Variants in LGALS4 observed in about 807,000 individuals in gnomAD.
LGALS4 encodes the protein galectin-4.
In LGALS4, 37 loss-of-function variants were observed where a neutral mutation model predicts 39.6. The observed-to-expected ratio is 0.93, with a 90% CI of 0.72 to 1.23. LGALS4 has a LOEUF of 1.23. Ranked by LOEUF, LGALS4 falls within the 50% of genes most tolerant of loss-of-function variation. The pLI, the probability that LGALS4 is intolerant of heterozygous loss-of-function variation, is 0.00. For synonymous variants in LGALS4, 160 were observed against 165.5 expected, an observed-to-expected ratio of 0.97 and a Z score of 0.25; for missense variants, 397 against 433.2, an observed-to-expected ratio of 0.92 and a Z score of 0.74.
intron 2 of LGALS4, among the ~76,000 whole-genome samples, chr19:38,810,898 A>G (rs1296364666): frequency 3.1e-5 from 4 of 128,286 alleles, no homozygotes; most frequent in Non-Finnish European, 6.5e-5. Flanking sequence ...TACATATTTG[A>G]CTTTTTTTTT....
At chr19:38,807,922 A>G (rs1206814528) in intron 3 of LGALS4, among the ~76,000 whole-genome samples, 1 of 152,196 alleles carries the variant, frequency 6.6e-6, no homozygotes, top group East Asian at 1.9e-4. Flanking sequence ...TGAAGGCAGC[A>G]TGCTCCTTAA....
At chr19:38,810,947 G>A (rs1333877491) in intron 2 of LGALS4, among the ~76,000 whole-genome samples, 2 of 148,260 alleles carry the variant, frequency 1.3e-5, no homozygotes, top group African/African-American at 5.0e-5. Context: ...TGTTGCCCAG[G>A]CTGTAGTGCA....
chr19:38,810,354 CTTTTTTTTTTTTT>C (rs761533885), intron 2 of LGALS4, among the ~76,000 whole-genome samples: 3 of 92,876 alleles, frequency 3.2e-5, no homozygotes, highest in African/African-American at 1.0e-4. Flanking sequence ...GAGATTTCGC[CTTTTTTTTTTTTT>C]TTTTTTTTTT....
rs10441 is a variant in LGALS4, at chr19:38,812,887, C to A, written c.-1G>T. 7.8e-4 allele frequency: 1,256 copies of A among 1,611,718 alleles called. 1 individual carries two copies. The highest frequency in any genetic ancestry group is 1.6e-3 in the South Asian group (149 of 91,066). On this transcript the variant is annotated 5_prime_UTR_variant, in exon 1 of 10. Coordinates refer to ENST00000307751, the MANE Select transcript of LGALS4 (RefSeq NM_006149.4). ...AGCCCGGTGCGGGGACATAGGCCATCGCTCGAGGCTGCGCTAGTGGCTGGT... is the reference window on the plus strand; with the variant it reads ...AGCCCGGTGCGGGGACATAGGCCATAGCTCGAGGCTGCGCTAGTGGCTGGT...
chr19:38,805,312 C>G (rs1480129064), intron 4 of LGALS4, among the ~76,000 whole-genome samples: 1 of 151,904 alleles, frequency 6.6e-6, no homozygotes, highest in Non-Finnish European at 1.5e-5. Flanking sequence ...CTTTCCTTAT[C>G]CTCACTTTCT....
chr19:38,812,331 C>T (rs1195229414), intron 2 of LGALS4, 100 bp downstream of exon 2: 2 of 989,908 alleles, frequency 2.0e-6, no homozygotes, highest in African/African-American at 1.6e-5. Context: ...GTCCCCTCTC[C>T]ACCAGGGTGG....
chr19:38,803,947 C>G, intron 4 of LGALS4, 52 bp from the exon 5 acceptor site: 1 of 1,568,988 alleles, frequency 6.4e-7, no homozygotes, highest in South Asian at 1.2e-5. Flanking sequence ...AGATTTGCGA[C>G]TGAAAGATGT....
At chr19:38,803,958 C>T (rs1971392954) in intron 4 of LGALS4, 63 bp from the exon 5 acceptor site, 5 of 1,545,030 alleles carry the variant, frequency 3.2e-6, no homozygotes, top group East Asian at 2.4e-5. Flanking sequence ...TGAAAGATGT[C>T]GAGAGTGCCT....
chr19:38,802,298 A>G lies in LGALS4; in HGVS notation c.659+18T>C. 6.2e-7 allele frequency: 1 copy of G among 1,610,976 alleles called. No homozygotes were observed. Among genetic ancestry groups the G allele is most frequent in the Middle Eastern group, 1.7e-4 (1 of 6,056 alleles). On this transcript the variant is annotated intron_variant, in intron 8 of 9. Coordinates refer to ENST00000307751, the MANE Select transcript of LGALS4 (RefSeq NM_006149.4). ...AGGGAGGAGGGGGCTGGGGGTTCCC[A>G]CCTAGTTTACGTTATACCTCTTGCC... is the stretch of plus-strand genomic sequence containing the variant.
chr19:38,803,949 G>A, intron 4 of LGALS4, 54 bp from the exon 5 acceptor site: 1 of 1,560,312 alleles, frequency 6.4e-7, no homozygotes, highest in South Asian at 1.2e-5. Context: ...ATTTGCGACT[G>A]AAAGATGTCG....
chr19:38,805,944 T>C (rs1021251479), intron 4 of LGALS4, among the ~76,000 whole-genome samples: 2 of 152,048 alleles, frequency 1.3e-5, no homozygotes, highest in Admixed American at 6.6e-5. Context: ...TGATGGTGGG[T>C]GCCTGTAATC....
At chr19:38,809,648 T>C (rs1971469790) in intron 2 of LGALS4, among the ~76,000 whole-genome samples, 1 of 128,196 alleles carries the variant, frequency 7.8e-6, no homozygotes, top group Non-Finnish European at 1.6e-5. Flanking sequence ...GCCTGGCTTT[T>C]TTTTTTTTTT....
rs779305569 is a variant in LGALS4, at chr19:38,812,433, C to T, written c.132G>A (p.Lys44=). 9 of 1,613,978 alleles carry T rather than the reference C, an allele frequency of 5.6e-6. No homozygotes were observed. The South Asian group carries it at 8.8e-5, about 16-fold the overall frequency. ...YIQGVASEHM[K]RFFVNFVVGQ... Reference sequence around the variant, plus strand: ...GCCTGGCTTGGGGAGGGTCTTACCGCTTCATGTGCTCGCTGGCCACTCCTT... The same window carrying T: ...GCCTGGCTTGGGGAGGGTCTTACCGTTTCATGTGCTCGCTGGCCACTCCTT... The change falls in exon 2 of 10, where the codon AAG becomes AAA. Residue 44 remains lysine, a splice_region_variant and synonymous_variant. Transcript: ENST00000307751.
At chr19:38,803,377 T>A (rs542227927) in intron 7 of LGALS4, 145 bp downstream of exon 7, 209 of 747,424 alleles carry the variant, frequency 2.8e-4, no homozygotes, top group Non-Finnish European at 4.4e-4. Flanking sequence ...TTCCTTCTGC[T>A]CCCTAAACCT....
At chr19:38,805,011 A>C (rs1971405395) in intron 4 of LGALS4, among the ~76,000 whole-genome samples, 1 of 151,294 alleles carries the variant, frequency 6.6e-6, no homozygotes, top group Admixed American at 6.6e-5. Context: ...AAAAAATTTA[A>C]AAACTAGCTG....
chr19:38,812,743 A>G, intron 1 of LGALS4, 99 bp downstream of exon 1: 2 of 1,319,590 alleles, frequency 1.5e-6, no homozygotes, highest in East Asian at 2.3e-5. Context: ...ATCAGACCAC[A>G]GAGTCAGATG....
At chr19:38,805,468 A>C (rs8113319) in intron 4 of LGALS4, among the ~76,000 whole-genome samples, 34,105 of 151,762 alleles carry the variant, frequency 0.22, 4,759 homozygotes, top group African/African-American at 0.4. Flanking sequence ...CCTATCACAG[A>C]CCTGACCATT....
At chr19:38,812,783 T>C in intron 1 of LGALS4, 59 bp downstream of exon 1, 1 of 1,576,506 alleles carries the variant, frequency 6.3e-7, no homozygotes. Context: ...TGGGGAAAAT[T>C]GGTGTGAGGG....
chr19:38,807,741 A>T (rs543664604), intron 3 of LGALS4, among the ~76,000 whole-genome samples: 1 of 152,200 alleles, frequency 6.6e-6, no homozygotes, highest in Non-Finnish European at 1.5e-5. Flanking sequence ...GTCTGTGTAG[A>T]AAGAAGTAGA....
Sources: gnomAD v4.1 joint callset for allele counts (sites outside exome capture counted in the v4.1 genomes callset) on GRCh38, gnomAD v4.1.1 for gene constraint, MANE v1.5 for transcripts, NCBI Gene and HGNC (gene_info 2026-07-23, HGNC 2026-07-21) for gene names.